Variants in SPSB4 observed in about 807,000 individuals in gnomAD.
The protein encoded by SPSB4 is SPRY domain-containing SOCS box protein 4.
SPSB4 carries 21 observed loss-of-function variants against 20.9 expected under a neutral mutation model. The observed-to-expected ratio is 1.01, with a 90% CI of 0.71 to 1.45. The LOEUF is 1.45. Ranked by LOEUF, SPSB4 falls within the 40% of genes most tolerant of loss-of-function variation. SPSB4 has a pLI of 0.00. For missense variants in SPSB4, 399 were observed against 399.2 expected, an observed-to-expected ratio of 1.00 and a Z score of 0.00; for synonymous variants, 207 against 183.8, an observed-to-expected ratio of 1.13 and a Z score of -1.02.
At chr3:141,070,021 C>T (rs531956418) in intron 2 of SPSB4, among the ~76,000 whole-genome samples, 1 of 152,312 alleles carries the variant, frequency 6.6e-6, no homozygotes, top group Admixed American at 6.5e-5. Flanking sequence ...AAATGCATAA[C>T]ATTGTCAAAC....
Position 141,066,401 on chromosome 3 carries a change from C to T in SPSB4, c.297C>T (p.Ala99=). 1 of 1,536,206 alleles carries T rather than the reference C, an allele frequency of 6.5e-7. No individual in the cohort carries two copies. The highest frequency in any genetic ancestry group is 8.8e-7 in the Non-Finnish European group (1 of 1,142,390). Residue 99 remains alanine, a synonymous_variant, in exon 2 of 3, where the codon GCC becomes GCT. Coordinates refer to ENST00000310546, the MANE Select transcript of SPSB4 (RefSeq NM_080862.3). The part of the protein sequence containing the change: ...GKVGHARGLH[A]WQINWPARQR... ...TGGGCCACGCCCGCGGCCTGCACGC[C>T]TGGCAGATCAACTGGCCGGCTCGGC...
chr3:141,107,285 A>G (rs186597087), intron 2 of SPSB4, among the ~76,000 whole-genome samples: 3 of 152,344 alleles, frequency 2.0e-5, no homozygotes, highest in Non-Finnish European at 4.4e-5. Flanking sequence ...AAGTTCATAC[A>G]TTATTTATCT....
At chr3:141,142,974 G>T (rs188514499) in intron 2 of SPSB4, among the ~76,000 whole-genome samples, 1 of 151,450 alleles carries the variant, frequency 6.6e-6, no homozygotes, top group East Asian at 1.9e-4. Flanking sequence ...CCGCCACCAC[G>T]CCCAGCTAAT....
chr3:141,107,853 G>T (rs1281744288), intron 2 of SPSB4, among the ~76,000 whole-genome samples: 2 of 152,120 alleles, frequency 1.3e-5, no homozygotes, highest in African/African-American at 4.8e-5. Context: ...TACTTGGGAG[G>T]CTGAGGCACG....
At chr3:141,109,904 C>A (rs142893223) in intron 2 of SPSB4, among the ~76,000 whole-genome samples, 7 of 152,178 alleles carry the variant, frequency 4.6e-5, no homozygotes, top group African/African-American at 1.7e-4. Context: ...GCTCCTTAAT[C>A]GGTGTTGCTA....
At chr3:141,100,685 G>A (rs533275229) in intron 2 of SPSB4, among the ~76,000 whole-genome samples, 5 of 152,300 alleles carry the variant, frequency 3.3e-5, no homozygotes, top group South Asian at 2.1e-4. Context: ...CCAGTGTGAA[G>A]CAAAGGTTCT....
chr3:141,065,775 A>G (rs1206983422), intron 1 of SPSB4, among the ~76,000 whole-genome samples, 177 bp from the exon 2 acceptor site: 1 of 152,238 alleles, frequency 6.6e-6, no homozygotes, highest in Non-Finnish European at 1.5e-5. Context: ...TAATAAACAT[A>G]AATAATTTAG....
chr3:141,061,859 C>T (rs72978075), intron 1 of SPSB4, among the ~76,000 whole-genome samples: 8,047 of 152,052 alleles, frequency 0.053, 612 homozygotes, highest in African/African-American at 0.17. Flanking sequence ...CCTCAGCCTC[C>T]AAAGTAGCTG....
At chr3:141,143,018 G>A (rs143260164) in intron 2 of SPSB4, among the ~76,000 whole-genome samples, 38 of 151,806 alleles carry the variant, frequency 2.5e-4, no homozygotes, top group African/African-American at 5.6e-4. Context: ...GGGTTTCACC[G>A]TGTTAGCCAG....
chr3:141,062,373 T>C (rs143052263), intron 1 of SPSB4, among the ~76,000 whole-genome samples: 165 of 152,058 alleles, frequency 1.1e-3, no homozygotes, highest in Admixed American at 2.4e-3. Flanking sequence ...TTAGCTTTAA[T>C]AGTTTATATG....
intron 1 of SPSB4, among the ~76,000 whole-genome samples, chr3:141,064,508 G>A (rs973072192): frequency 6.6e-6 from 1 of 152,208 alleles, no homozygotes; most frequent in African/African-American, 2.4e-5. Flanking sequence ...AGAGGGAAGA[G>A]TATGAGAGTT....
chr3:141,087,394 G>A (rs1177255490), intron 2 of SPSB4, among the ~76,000 whole-genome samples: 3 of 152,314 alleles, frequency 2.0e-5, no homozygotes, highest in South Asian at 2.1e-4. Flanking sequence ...GAAGCACCAG[G>A]GGGCCTTGGA....
intron 2 of SPSB4, among the ~76,000 whole-genome samples, chr3:141,110,216 C>T (rs962618743): frequency 6.6e-6 from 1 of 152,228 alleles, no homozygotes; most frequent in African/African-American, 2.4e-5. Context: ...TCAGCCTCCC[C>T]ATCAAAGCCA....
intron 2 of SPSB4, among the ~76,000 whole-genome samples, chr3:141,078,277 G>T (rs1383595376): frequency 1.3e-5 from 2 of 152,210 alleles, no homozygotes. Context: ...CTCACCTGCC[G>T]AATCAGAAAC....
At chr3:141,125,128 G>A (rs531831369) in intron 2 of SPSB4, among the ~76,000 whole-genome samples, 8 of 152,146 alleles carry the variant, frequency 5.3e-5, no homozygotes, top group African/African-American at 7.2e-5. Context: ...AACCATTATC[G>A]ATCACCCTGA....
In SPSB4 at chr3:141,079,799, G is replaced by C. The variant is rs189205340; in HGVS notation, c.694+13001G>C. On this transcript the variant is annotated intron_variant, in intron 2 of 2. Coordinates refer to ENST00000310546, the MANE Select transcript of SPSB4 (RefSeq NM_080862.3). ...TCAGCTGCTGCAGTGGTCCCCTTTGGGGGAGGGGCATTTAAGTGAGACCTA... is the reference window on the plus strand; with the variant it reads ...TCAGCTGCTGCAGTGGTCCCCTTTGCGGGAGGGGCATTTAAGTGAGACCTA... Among the ~76,000 whole-genome samples the C allele has an allele frequency of 1.2e-3, 187 of 152,296 alleles. 3 individuals are homozygous for C. The highest frequency in any genetic ancestry group is 4.4e-3 in the African/African-American group (181 of 41,570).
In SPSB4 at chr3:141,130,659, C is replaced by T. The variant is rs149067665; in HGVS notation, c.695-16483C>T. ...TGACTTGTGTCTTGGCATCTTCTCA[C>T]TGCAGGCAGAGAAGACTTCAGAGGG... On this transcript the variant is annotated intron_variant, in intron 2 of 2. Coordinates refer to ENST00000310546, the MANE Select transcript of SPSB4 (RefSeq NM_080862.3). Among the ~76,000 whole-genome samples, 703 of 152,304 alleles carry T rather than the reference C, an allele frequency of 4.6e-3. 3 individuals carry two copies. Among genetic ancestry groups the T allele is most frequent in the Non-Finnish European group, 8.2e-3 (556 of 68,034 alleles).
intron 2 of SPSB4, among the ~76,000 whole-genome samples, chr3:141,075,668 C>G (rs983340905): frequency 1.4e-4 from 22 of 152,044 alleles, no homozygotes; most frequent in Admixed American, 8.5e-4. Context: ...TAACACAGAT[C>G]AAGGGCCCCC....
intron 2 of SPSB4, among the ~76,000 whole-genome samples, chr3:141,134,706 C>T (rs1420504560): frequency 6.6e-6 from 1 of 151,906 alleles, no homozygotes; most frequent in Non-Finnish European, 1.5e-5. Context: ...GATATGCTGC[C>T]GAATTCAGTT....
Sources: allele counts gnomAD v4.1 joint callset (sites outside exome capture counted in the v4.1 genomes callset), GRCh38; gene constraint gnomAD v4.1.1; transcripts MANE v1.5; gene names NCBI Gene and HGNC (gene_info 2026-07-23, HGNC 2026-07-21).